Variants in DENND4C observed in about 807,000 individuals in gnomAD.
DENND4C encodes DENN domain containing 4C.
In DENND4C, 108 loss-of-function variants were observed where a neutral mutation model predicts 203.0. The observed-to-expected ratio is 0.53, with a 90% CI of 0.46 to 0.62. DENND4C has a LOEUF of 0.62. DENND4C is among the 20% of genes least tolerant of loss of function. The pLI is 0.00. For missense variants in DENND4C, 2,481 were observed against 2,301.2 expected, an observed-to-expected ratio of 1.08 and a Z score of -1.60; for synonymous variants, 871 against 792.4, an observed-to-expected ratio of 1.10 and a Z score of -1.67.
intron 6 of DENND4C, 85 bp downstream of exon 6, chr9:19,296,331 G>T: frequency 5.2e-5 from 43 of 825,190 alleles, no homozygotes; most frequent in South Asian, 1.3e-4. Context: ...TAGCAGCAAA[G>T]TTGGAAGGGA....
chr9:19,360,765 G>C (rs1266252723), intron 29 of DENND4C, among the ~76,000 whole-genome samples: 1 of 152,140 alleles, frequency 6.6e-6, no homozygotes, highest in East Asian at 1.9e-4. Context: ...CTATCCAGCA[G>C]TTAGGAGAAA....
At chr9:19,354,425 A>C (rs1824885996) in intron 26 of DENND4C, among the ~76,000 whole-genome samples, 1 of 152,192 alleles carries the variant, frequency 6.6e-6, no homozygotes, top group Admixed American at 6.5e-5. Flanking sequence ...GTAGTACCCA[A>C]GAATTCTCAT....
At chr9:19,333,268 G>T (rs1473830754) in intron 17 of DENND4C, among the ~76,000 whole-genome samples, 2 of 151,866 alleles carry the variant, frequency 1.3e-5, no homozygotes, top group African/African-American at 4.8e-5. Flanking sequence ...CCTTCTACTT[G>T]GCCTCCCAAA....
At position 19,300,239 on chromosome 9, in the gene DENND4C, A is replaced by G. The variant is rs754704504; in HGVS notation, c.1219A>G (p.Thr407Ala). The change falls in exon 9 of 33, where the codon ACA (threonine) becomes GCA (alanine). Residue 407 changes from threonine to alanine, a missense_variant. Transcript: ENST00000434457. Reference sequence around the variant, plus strand: ...GAATCTGGGTCCTGAGAATTGTGCAACACTGCTGCTCTTTGTTTTACTTGA... The same window carrying G: ...GAATCTGGGTCCTGAGAATTGTGCAGCACTGCTGCTCTTTGTTTTACTTGA... Reference protein sequence around the residue: ...LMNLGPENCATLLLFVLLESK... With the variant: ...LMNLGPENCAALLLFVLLESK... 2 of 1,612,918 alleles carry G rather than the reference A, an allele frequency of 1.2e-6. No individual in the cohort carries two copies. Among genetic ancestry groups the G allele is most frequent in the African/African-American group, 1.3e-5 (1 of 74,910 alleles).
chr9:19,257,380 A>G (rs1828254673), intron 1 of DENND4C, among the ~76,000 whole-genome samples: 1 of 151,654 alleles, frequency 6.6e-6, no homozygotes, highest in African/African-American at 2.4e-5. Context: ...AGAAAACACA[A>G]CATATCTAGA....
chr9:19,322,954 G>A (rs1843134006), intron 12 of DENND4C, among the ~76,000 whole-genome samples: 1 of 152,180 alleles, frequency 6.6e-6, no homozygotes, highest in African/African-American at 2.4e-5. Flanking sequence ...TCAAGGGACT[G>A]TGACTGTGTG....
At chr9:19,316,898 T>C in intron 12 of DENND4C, 59 bp downstream of exon 12, 2 of 1,406,210 alleles carry the variant, frequency 1.4e-6, no homozygotes, top group Non-Finnish European at 1.9e-6. Context: ...TTATATTTGA[T>C]GTTGCTGCCA....
At chr9:19,370,537 ACTG>A (rs1258666879) in intron 31 of DENND4C, among the ~76,000 whole-genome samples, 1 of 152,210 alleles carries the variant, frequency 6.6e-6, no homozygotes, top group Non-Finnish European at 1.5e-5. Context: ...TGGAAACATT[ACTG>A]CTGTTTGCTG....
intron 30 of DENND4C, among the ~76,000 whole-genome samples, chr9:19,368,108 T>G (rs1160032053): frequency 1.3e-5 from 2 of 151,926 alleles, no homozygotes; most frequent in Non-Finnish European, 2.9e-5. Context: ...GGTGTAATGT[T>G]TGGTTTGAGA....
In DENND4C at chr9:19,346,070, C is replaced by T. The variant is rs780776381; in HGVS notation, c.3301C>T (p.Arg1101Ter). The T allele has an allele frequency of 1.9e-6, 3 of 1,614,002 alleles. No individual in the cohort carries two copies. The highest frequency in any genetic ancestry group is 1.3e-5 in the African/African-American group (1 of 74,918). Residue 1101 changes from arginine (R) to a stop codon, truncating the protein, a stop_gained, in exon 23 of 33, where the codon CGA becomes TGA. Coordinates refer to ENST00000434457, the MANE Select transcript of DENND4C (RefSeq NM_001330640.2). LOFTEE classifies it high-confidence loss of function. ...GAGTTGTAGTTTTAGTTCTGAAAGT[C>T]GAGCAGGAATGTTGCTTAAGAAGAG... ...ERSCSFSSES[R>*]AGMLLKKSSL...
At position 19,350,733 on chromosome 9, in the gene DENND4C, C is replaced by T. The variant is rs1319351206; in HGVS notation, c.4349C>T (p.Ala1450Val). 3 of 1,613,164 alleles carry T rather than the reference C, an allele frequency of 1.9e-6. No homozygotes were observed. The highest frequency in any genetic ancestry group is 2.2e-5 in the East Asian group (1 of 44,858). Residue 1450 changes from alanine (A) to valine (V), a missense_variant, in exon 24 of 33, where the codon GCT becomes GTT. Physicochemically the swap from Ala to Val is moderately conservative, Grantham distance 64. Transcript: ENST00000434457. ...EETNRDYSFP[A>V]GLEDHILGEN... ...ACTAATAGAGACTACAGCTTCCCAG[C>T]TGGCCTAGAAGACCATATTTTGGGG...
At chr9:19,232,544 A>G (rs773244245) in intron 1 of DENND4C, among the ~76,000 whole-genome samples, 25 of 152,196 alleles carry the variant, frequency 1.6e-4, no homozygotes, top group Non-Finnish European at 1.2e-4. Flanking sequence ...TTGAAGTTGC[A>G]TATTGGAGTA....
chr9:19,272,127 AAG>A (rs1230273744), intron 1 of DENND4C, among the ~76,000 whole-genome samples: 1 of 151,954 alleles, frequency 6.6e-6, no homozygotes, highest in Non-Finnish European at 1.5e-5. Flanking sequence ...TTTTAAATAA[AAG>A]AGAGACTGGC....
At position 19,299,144 on chromosome 9, in the gene DENND4C, T is replaced by G. The variant is rs528638284; in HGVS notation, c.1108-85T>G. 3 of 963,982 alleles carry G rather than the reference T, an allele frequency of 3.1e-6. No individual in the cohort carries two copies. The African/African-American group carries it at 5.2e-5, about 17-fold the overall frequency. 59.7% of individuals were successfully genotyped at this position (963,982 alleles called of 1,614,324 possible). A position where few individuals can be genotyped will look rare whatever the true frequency, so the allele number is the denominator to read the frequency against. ...TTCAATATTACCTTTGATCTAAATA[T>G]ATAGATTTCAAAAGTAGTTTTGAAA... On this transcript the variant is annotated intron_variant, in intron 7 of 32. Coordinates refer to ENST00000434457, the MANE Select transcript of DENND4C (RefSeq NM_001330640.2).
chr9:19,345,978 G>T lies in DENND4C; in HGVS notation c.3209G>T (p.Gly1070Val), dbSNP rs560813174. The change falls in exon 23 of 33, where the codon GGC becomes GTC. Residue 1070 changes from glycine (G) to valine (V), a missense_variant. Transcript: ENST00000434457. ...GATCCAGTTGAAGATGCAGTCTTTG[G>T]CGAAGCTACTAATCTCAAGAAGAAT... ...TQDPVEDAVFGEATNLKKNGD... is the reference protein window; with the variant it reads ...TQDPVEDAVFVEATNLKKNGD... 5 of 1,614,006 alleles carry T rather than the reference G, an allele frequency of 3.1e-6. No homozygotes were observed. In the African/African-American group the frequency reaches 4.0e-5, roughly 13 times the overall value.
At chr9:19,260,483 C>T (rs1339433118) in intron 1 of DENND4C, among the ~76,000 whole-genome samples, 1 of 151,972 alleles carries the variant, frequency 6.6e-6, no homozygotes, top group Admixed American at 6.6e-5. Context: ...CTGCAACCTC[C>T]ACCTCCTGGG....
intron 2 of DENND4C, among the ~76,000 whole-genome samples, chr9:19,282,643 C>G (rs965843472): frequency 1.1e-4 from 16 of 150,824 alleles, no homozygotes; most frequent in African/African-American, 3.6e-4. Context: ...CAGCCTCAGC[C>G]TGCTGAATAG....
At chr9:19,313,812 C>T (rs929205669) in intron 10 of DENND4C, among the ~76,000 whole-genome samples, 1 of 152,134 alleles carries the variant, frequency 6.6e-6, no homozygotes, top group Non-Finnish European at 1.5e-5. Context: ...CTGTCAAACT[C>T]ATAACCCATT....
intron 1 of DENND4C, among the ~76,000 whole-genome samples, chr9:19,235,694 T>C (rs1413106363): frequency 7.1e-6 from 1 of 140,084 alleles, no homozygotes; most frequent in Non-Finnish European, 1.5e-5. Flanking sequence ...CACTGCAAGC[T>C]CCTCCTCCCG....
Sources: allele counts gnomAD v4.1 joint callset (sites outside exome capture counted in the v4.1 genomes callset), GRCh38; gene constraint gnomAD v4.1.1; transcripts MANE v1.5; gene names NCBI Gene and HGNC (gene_info 2026-07-23, HGNC 2026-07-21).